Variants in PRUNE2 observed in about 807,000 individuals in gnomAD.
PRUNE2 encodes prune homolog 2 with BCH domain.
A neutral mutation model predicts 252.0 loss-of-function variants in PRUNE2; 164 were observed. The observed-to-expected ratio is 0.65, with a 90% CI of 0.57 to 0.74. The LOEUF (loss-of-function observed/expected upper bound fraction) is 0.74, where lower values mean the gene tolerates loss of function less well. Among genes scored for constraint, PRUNE2 ranks in the 30% least tolerant of loss-of-function variants. PRUNE2 has a pLI of 0.00. For synonymous variants in PRUNE2, 1,292 were observed against 1,350.2 expected (o/e 0.96, Z 0.94); for missense variants, 3,495 against 3,711.0 (o/e 0.94, Z 1.51).
At chr9:76,667,397 C>T (rs747267543) in intron 9 of PRUNE2, among the ~76,000 whole-genome samples, 2 of 152,250 alleles carry the variant, frequency 1.3e-5, no homozygotes, top group Non-Finnish European at 2.9e-5. Flanking sequence ...AGCAGCAGAA[C>T]TGGCTGGGCT....
intron 1 of PRUNE2, chr9:76,856,474 C>T (rs1171921727): frequency 6.6e-6 from 1 of 152,016 alleles, no homozygotes; most frequent in Non-Finnish European, 1.5e-5. Context: ...ATTTGTGTGC[C>T]GATTCATTAC....
intron 12 of PRUNE2, among the ~76,000 whole-genome samples, chr9:76,643,340 T>C (rs985117191): frequency 6.6e-6 from 1 of 152,130 alleles, no homozygotes; most frequent in African/African-American, 2.4e-5. Context: ...TAATACTTTT[T>C]AAAATGAACA....
In PRUNE2 at chr9:76,705,267, T is replaced by C. The variant is rs770870369; in HGVS notation, c.7007A>G (p.Asp2336Gly). Residue 2336 changes from aspartate (D) to glycine (G), a missense_variant, in exon 8 of 19, where the codon GAC becomes GGC. Coordinates refer to ENST00000376718, the MANE Select transcript of PRUNE2 (RefSeq NM_015225.3). ...EGHPETPVDG[D>G]LGKQDICSSE... ...TGAGCAGATATCTTGCTTCCCTAGG[T>C]CCCCATCAACTGGCGTTTCCGGATG... 3.0e-5 allele frequency: 48 copies of C among 1,613,872 alleles called. No individual in the cohort carries two copies. The highest frequency in any genetic ancestry group is 4.0e-5 in the Non-Finnish European group (47 of 1,179,882).
rs138588572 is a variant in PRUNE2, at chr9:76,874,504, C to G, written c.37-20296G>C. Among the ~76,000 whole-genome samples the G allele has an allele frequency of 2.6e-5, 4 of 152,164 alleles. No homozygotes were observed. The East Asian group carries it at 7.7e-4, about 29-fold the overall frequency. Reference sequence around the variant, plus strand: ...AGTTAAAACTCTAGATGGAGCTTTACTAAGTTGTCTTGACATTAAAAAGAA... The same window carrying G: ...AGTTAAAACTCTAGATGGAGCTTTAGTAAGTTGTCTTGACATTAAAAAGAA... On this transcript the variant is annotated intron_variant, in intron 1 of 18. Coordinates refer to ENST00000376718, the MANE Select transcript of PRUNE2 (RefSeq NM_015225.3).
At chr9:76,728,899 C>T (rs770154423) in intron 6 of PRUNE2, among the ~76,000 whole-genome samples, 9 of 152,250 alleles carry the variant, frequency 5.9e-5, no homozygotes, top group Middle Eastern at 3.4e-3. Flanking sequence ...CACAATCAGC[C>T]CTCAATACAT....
chr9:76,714,214 T>A (rs925443103), intron 6 of PRUNE2, among the ~76,000 whole-genome samples: 1 of 147,848 alleles, frequency 6.8e-6, no homozygotes, highest in African/African-American at 2.5e-5. Context: ...TTTATTCCAG[T>A]GTAGAATTCT....
intron 1 of PRUNE2, among the ~76,000 whole-genome samples, chr9:76,863,488 A>G (rs2060665396): frequency 6.6e-6 from 1 of 152,258 alleles, no homozygotes; most frequent in African/African-American, 2.4e-5. Context: ...TTAAACTGCT[A>G]AAATATTGTT....
At chr9:76,693,290 G>A (rs997877568) in intron 9 of PRUNE2, among the ~76,000 whole-genome samples, 1 of 151,376 alleles carries the variant, frequency 6.6e-6, no homozygotes, top group Admixed American at 6.6e-5. Flanking sequence ...TTTTTGATGG[G>A]GGGGGCAGGT....
At chr9:76,897,371 T>C (rs2062885164) in intron 1 of PRUNE2, among the ~76,000 whole-genome samples, 3 of 147,482 alleles carry the variant, frequency 2.0e-5, no homozygotes, top group Non-Finnish European at 4.5e-5. Context: ...TTTGTGGCTA[T>C]GCAACCTTAG....
In PRUNE2 at chr9:76,708,399, G is replaced by T; in HGVS notation, c.3875C>A (p.Thr1292Asn). The change falls in exon 8 of 19, where the codon ACC becomes AAC. Residue 1292 changes from threonine to asparagine, a missense_variant. Coordinates refer to ENST00000376718, the MANE Select transcript of PRUNE2 (RefSeq NM_015225.3). ...CAAGGATGCTGCATCACTTTGCAGG[G>T]TTTCCCTCTCTGTGTCCTGCTTGTC... ...HLDKQDTERE[T>N]LQSDAASLAT... The T allele has an allele frequency of 1.2e-6, 2 of 1,613,812 alleles. No individual in the cohort carries two copies. The highest frequency in any genetic ancestry group is 2.2e-5 in the South Asian group (2 of 91,070).
chr9:76,903,079 G>A (rs567442648), intron 1 of PRUNE2, among the ~76,000 whole-genome samples: 1 of 152,288 alleles, frequency 6.6e-6, no homozygotes, highest in African/African-American at 2.4e-5. Flanking sequence ...GTTCAACCTA[G>A]GGGCCTGGCC....
intron 1 of PRUNE2, among the ~76,000 whole-genome samples, chr9:76,887,205 G>A (rs943311484): frequency 5.9e-5 from 9 of 152,074 alleles, no homozygotes; most frequent in African/African-American, 2.2e-4. Flanking sequence ...TTGGGACATA[G>A]ATGCAGCCTG....
intron 6 of PRUNE2, among the ~76,000 whole-genome samples, chr9:76,787,797 C>T (rs532802626): frequency 1.3e-5 from 2 of 152,290 alleles, no homozygotes; most frequent in African/African-American, 4.8e-5. Flanking sequence ...TCTCCAATCC[C>T]GCCTCCCACT....
At chr9:76,785,733 CTGTGTGTGTGTG>C (rs10681024) in intron 6 of PRUNE2, 1 of 149,534 alleles carries the variant, frequency 6.7e-6, no homozygotes, top group Non-Finnish European at 1.5e-5. Flanking sequence ...GTTAAGAGCT[CTGTGTGTGTGTG>C]TGTGTGTGTG....
At chr9:76,831,531 A>G (rs2058676270) in intron 4 of PRUNE2, among the ~76,000 whole-genome samples, 1 of 152,056 alleles carries the variant, frequency 6.6e-6, no homozygotes, top group Non-Finnish European at 1.5e-5. Flanking sequence ...TTTTAATAGT[A>G]ACAAACTGAG....
chr9:76,634,941 G>A lies in PRUNE2; in HGVS notation c.9050+1530C>T, dbSNP rs62567454. On this transcript the variant is annotated intron_variant, in intron 15 of 18. Transcript: ENST00000376718. Reference sequence around the variant, plus strand: ...ACATTTCCTGAAAATATTAAAATAAGTGGCTCTTTGTATACCTTAAATAGG... The same window carrying A: ...ACATTTCCTGAAAATATTAAAATAAATGGCTCTTTGTATACCTTAAATAGG... 6.8e-3 allele frequency among the ~76,000 whole-genome samples: 1,036 copies of A among 152,118 alleles called. 6 individuals are homozygous for A. The highest frequency in any genetic ancestry group is 0.01 in the Non-Finnish European group (682 of 68,002).
intron 11 of PRUNE2, among the ~76,000 whole-genome samples, chr9:76,645,315 T>G (rs1288736416): frequency 1.3e-5 from 2 of 152,138 alleles, no homozygotes; most frequent in South Asian, 2.1e-4. Flanking sequence ...CTTGGGGTTT[T>G]GGGGCCACAT....
Position 76,709,140 on chromosome 9 carries a change from T to C in PRUNE2, c.3134A>G (p.Asn1045Ser), listed in dbSNP as rs544756344. 1.0e-4 allele frequency: 169 copies of C among 1,614,016 alleles called. 4 individuals carry two copies. In the South Asian group the frequency reaches 1.8e-3, roughly 17 times the overall value. Residue 1045 changes from asparagine (N) to serine (S), a missense_variant, in exon 8 of 19, where the codon AAT becomes AGT. Asn to Ser is a conservative substitution (Grantham distance 46, BLOSUM62 1). Coordinates refer to ENST00000376718, the MANE Select transcript of PRUNE2 (RefSeq NM_015225.3). The stretch of plus-strand genomic sequence containing the variant: ...ATTTTCATCCAGGTTGTGAGTGGTA[T>C]TTATTTCAGAACTGTTATCTGTATG... ...SPHTDNSSEI[N>S]TTHNLDENEL...
intron 1 of PRUNE2, among the ~76,000 whole-genome samples, chr9:76,882,125 T>C (rs1220347577): frequency 6.6e-6 from 1 of 151,732 alleles, no homozygotes; most frequent in Non-Finnish European, 1.5e-5. Context: ...ATCTCTCTAA[T>C]CTAATGTGGA....
Sources: gnomAD v4.1 joint callset for allele counts (sites outside exome capture counted in the v4.1 genomes callset) on GRCh38, gnomAD v4.1.1 for gene constraint, MANE v1.5 for transcripts, NCBI Gene and HGNC (gene_info 2026-07-23, HGNC 2026-07-21) for gene names.